Variants in TTBK1 observed in about 807,000 individuals in gnomAD.
TTBK1 encodes tau tubulin kinase 1, also known as tau-tubulin kinase 1.
TTBK1 carries 34 observed loss-of-function variants against 108.5 expected under a neutral mutation model. The observed-to-expected ratio is 0.31, with a 90% confidence interval of 0.24 to 0.42. TTBK1 has a LOEUF of 0.42. TTBK1 is among the 10% of genes least tolerant of loss of function. The probability of loss-of-function intolerance (pLI) is 1.00; values close to 1 mark genes in which losing one functional copy is unlikely to be tolerated. For synonymous variants in TTBK1, 809 were observed against 795.1 expected, an observed-to-expected ratio of 1.02 and a Z score of -0.29; for missense variants, 1,539 against 1,826.0, an observed-to-expected ratio of 0.84 and a Z score of 2.86.
Position 43,284,125 on chromosome 6 carries a change from T to G in TTBK1, c.3385T>G (p.Ser1129Ala), listed in dbSNP as rs1778283715. The G allele has an allele frequency of 6.5e-7, 1 of 1,540,410 alleles. No homozygotes were observed. The highest frequency in any genetic ancestry group is 1.4e-5 in the African/African-American group (1 of 73,136). The change falls in exon 14 of 15, where the codon TCT (serine) becomes GCT (alanine). Residue 1129 changes from serine to alanine, a missense_variant. Ser to Ala is a moderately conservative substitution (Grantham distance 99, BLOSUM62 1). Coordinates refer to ENST00000259750, the MANE Select transcript of TTBK1 (RefSeq NM_032538.3). ...CTCTGAGACCCTCTCAGGCACGGGC[T>G]CTGAGGAGGACACGCCCGCCTCTGA... is the stretch of plus-strand genomic sequence containing the variant. ...RASETLSGTG[S>A]EEDTPASEPA...
intron 13 of TTBK1, among the ~76,000 whole-genome samples, chr6:43,264,996 G>A (rs1777638579): frequency 6.6e-6 from 1 of 152,228 alleles, no homozygotes; most frequent in African/African-American, 2.4e-5. Flanking sequence ...TTCTGACAAG[G>A]ACAGGGTGTC....
rs56299659 is a variant in TTBK1 at position 43,263,251 on chromosome 6, G to A, written c.1887G>A (p.Thr629=). The change falls in exon 13 of 15, where the codon ACG becomes ACA. Residue 629 remains threonine (T), a synonymous_variant. Transcript: ENST00000259750. The surrounding 1 kb of genome is among the most constrained non-coding windows in gnomAD (Gnocchi z 4.7). ...GCCAGGGCGATGGCCGTTCCGAGAC[G>A]TCACAGCCCCCCACGCCTGGCAGCC... is the stretch of plus-strand genomic sequence containing the variant. ...QLSQGDGRSE[T]SQPPTPGSPS... 4.3e-4 allele frequency: 662 copies of A among 1,555,050 alleles called. 5 individuals are homozygous for A. The East Asian group carries it at 0.013, about 31-fold the overall frequency.
chr6:43,272,279 A>G (rs1299989242), intron 13 of TTBK1: 13 of 985,366 alleles, frequency 1.3e-5, no homozygotes, highest in Non-Finnish European at 1.2e-6. Flanking sequence ...TCCACTACTC[A>G]ACCCTGAGCA....
In TTBK1 at chr6:43,263,157, G is replaced by A. The variant is rs953189053; in HGVS notation, c.1793G>A (p.Arg598His). The A allele has an allele frequency of 2.0e-5, 32 of 1,570,176 alleles. No homozygotes were observed. The highest frequency in any genetic ancestry group is 2.5e-5 in the Non-Finnish European group (29 of 1,156,590). Residue 598 changes from arginine to histidine, a missense_variant, in exon 13 of 15, where the codon CGC (arginine) becomes CAC (histidine). Transcript: ENST00000259750. This position sits in a 1 kb window ranked among gnomAD's most constrained non-coding sequence, Gnocchi z 4.7. ...GAGCCCACCGTCCGGCCCCGGGGAC[G>A]CAGCATGCAGGCGCTGGCGGAGGAG... ...GAEPTVRPRG[R>H]SMQALAEEDL... is the part of the protein sequence containing the mutation.
chr6:43,257,776 A>T lies in TTBK1; in HGVS notation c.862-36A>T. 2 of 1,585,498 alleles carry T rather than the reference A, an allele frequency of 1.3e-6. No individual in the cohort carries two copies. The highest frequency in any genetic ancestry group is 1.7e-6 in the Non-Finnish European group (2 of 1,161,752). The stretch of plus-strand genomic sequence containing the variant: ...CTTCCTCCTGGCTAGCCCCCGGATC[A>T]CCTCTCTGTCCTCCCATCACCCTCA... On this transcript the variant is annotated intron_variant, in intron 9 of 14. Transcript: ENST00000259750. This position sits in a 1 kb window ranked among gnomAD's most constrained non-coding sequence, Gnocchi z 4.5.
At chr6:43,262,535 C>T (rs1446868660) in intron 12 of TTBK1, among the ~76,000 whole-genome samples, 2 of 152,064 alleles carry the variant, frequency 1.3e-5, no homozygotes, top group Non-Finnish European at 2.9e-5. Context: ...TCCTGGAGCA[C>T]GGTAAGCATT....
rs1293798901 is a variant in TTBK1 at position 43,263,486 on chromosome 6, G to A, written c.1986+136G>A. ...ACAGGGCTGTGATGGAGGTAGACAG[G>A]CTTAAGGGTCTGAAACCATGTTTGA... On this transcript the variant is annotated intron_variant, in intron 13 of 14. Transcript: ENST00000259750. The surrounding 1 kb of genome is among the most constrained non-coding windows in gnomAD (Gnocchi z 4.7). The A allele has an allele frequency of 3.4e-6, 3 of 882,106 alleles. No homozygotes were observed. In the African/African-American group the frequency reaches 5.2e-5, roughly 15 times the overall value. The allele number at this position is 882,106 out of a possible 1,614,324, so 54.6% of individuals were successfully genotyped here.
In TTBK1 at chr6:43,283,219, C is replaced by T. The variant is rs1185444504; in HGVS notation, c.2479C>T (p.Leu827=). 3 of 1,551,872 alleles carry T rather than the reference C, an allele frequency of 1.9e-6. No individual in the cohort carries two copies. Among genetic ancestry groups the T allele is most frequent in the Non-Finnish European group, 2.6e-6 (3 of 1,148,062 alleles). Residue 827 remains leucine (L), a synonymous_variant, in exon 14 of 15, where the codon CTG becomes TTG. Transcript: ENST00000259750. This position sits in a 1 kb window ranked among gnomAD's most constrained non-coding sequence, Gnocchi z 8.1. ...CCGGGCCTCCATGGCCGATGGGGAC[C>T]TGGAGCCTGAGGAGGGCTCCAAAAC... ...RGRASMADGD[L]EPEEGSKTLV...
At position 43,282,827 on chromosome 6, in the gene TTBK1, G is replaced by C. The variant is rs578249848; in HGVS notation, c.2087G>C (p.Arg696Pro). Residue 696 changes from arginine to proline, a missense_variant, in exon 14 of 15, where the codon CGA (arginine) becomes CCA (proline). Arg to Pro is a moderately radical substitution (Grantham distance 103). Coordinates refer to ENST00000259750, the MANE Select transcript of TTBK1 (RefSeq NM_032538.3). The surrounding 1 kb of genome is among the most constrained non-coding windows in gnomAD (Gnocchi z 5.4). ...QDFKRDLSDY[R>P]ERARLLNRVR... Reference sequence around the variant, plus strand: ...TTCAAAAGAGACCTCTCCGATTACCGAGAACGGGCGCGGTTGCTCAACAGG... The same window carrying C: ...TTCAAAAGAGACCTCTCCGATTACCCAGAACGGGCGCGGTTGCTCAACAGG... 8.4e-5 allele frequency: 136 copies of C among 1,613,948 alleles called. No homozygotes were observed. Among genetic ancestry groups the C allele is most frequent in the Non-Finnish European group, 1.1e-4 (131 of 1,180,020 alleles).
At position 43,257,479 on chromosome 6, in the gene TTBK1, T is replaced by C. The variant is rs1777412151; in HGVS notation, c.862-333T>C. ...CAGTCTGTGCAGAGGCAGCACCCCA[T>C]GCATGGGTTTGGAAACTCCCAGTGG... On this transcript the variant is annotated intron_variant, in intron 9 of 14. Coordinates refer to ENST00000259750, the MANE Select transcript of TTBK1 (RefSeq NM_032538.3). This position sits in a 1 kb window ranked among gnomAD's most constrained non-coding sequence, Gnocchi z 4.5. Among the ~76,000 whole-genome samples, 2 of 152,100 alleles carry C rather than the reference T, an allele frequency of 1.3e-5. No homozygotes were observed. Among genetic ancestry groups the C allele is most frequent in the African/African-American group, 4.8e-5 (2 of 41,406 alleles).
intron 2 of TTBK1, chr6:43,248,090 C>T (rs1223155823): frequency 6.6e-6 from 1 of 152,202 alleles, no homozygotes; most frequent in African/African-American, 2.4e-5. Flanking sequence ...GGCAGAATGA[C>T]ATTTGCACTG....
intron 13 of TTBK1, among the ~76,000 whole-genome samples, chr6:43,275,909 C>G (rs1266688384): frequency 6.6e-6 from 1 of 152,180 alleles, no homozygotes; most frequent in Non-Finnish European, 1.5e-5. Flanking sequence ...GGGCGGGGCT[C>G]CGGGCCCTCA....
Position 43,283,750 on chromosome 6 carries a change from G to A in TTBK1, c.3010G>A (p.Glu1004Lys), listed in dbSNP as rs2150716426. The A allele has an allele frequency of 1.2e-6, 2 of 1,611,104 alleles. No individual in the cohort carries two copies. The highest frequency in any genetic ancestry group is 1.7e-6 in the Non-Finnish European group (2 of 1,179,040). ...CTCTGCCCTGTCTGGGGCCCCCCGG[G>A]AAACCCCCTCAGAGATGGCCACAAA... Reference protein sequence around the residue: ...EGSALSGAPRETPSEMATNSL... With the variant: ...EGSALSGAPRKTPSEMATNSL... Residue 1004 changes from glutamate (E) to lysine (K), a missense_variant, in exon 14 of 15, where the codon GAA (glutamate) becomes AAA (lysine). Transcript: ENST00000259750. The surrounding 1 kb of genome is among the most constrained non-coding windows in gnomAD (Gnocchi z 8.1).
At position 43,286,967 on chromosome 6, in the gene TTBK1, G is replaced by A. The variant is rs977462146; in HGVS notation, c.*1591G>A. The A allele has an allele frequency of 3.9e-5, 6 of 152,606 alleles. No individual in the cohort carries two copies. The highest frequency in any genetic ancestry group is 9.7e-5 in the African/African-American group (4 of 41,446). 9.5% of individuals were successfully genotyped at this position (152,606 alleles called of 1,614,324 possible). ...TAGTGTGCCCCAGCAGTCTGGCTGC[G>A]TCCAGCCACCATCACCCGGAAGGAT... On this transcript the variant is annotated 3_prime_UTR_variant, in exon 15 of 15. Transcript: ENST00000259750. The surrounding 1 kb of genome is among the most constrained non-coding windows in gnomAD (Gnocchi z 4.6).
chr6:43,250,999 C>T (rs900608045), intron 2 of TTBK1, among the ~76,000 whole-genome samples: 1 of 152,236 alleles, frequency 6.6e-6, no homozygotes, highest in African/African-American at 2.4e-5. Context: ...TAAATTTCAT[C>T]TCTAAGAGAA....
intron 2 of TTBK1, among the ~76,000 whole-genome samples, chr6:43,249,217 GTT>G (rs1005096820): frequency 1.3e-5 from 2 of 152,170 alleles, no homozygotes; most frequent in African/African-American, 4.8e-5. Flanking sequence ...GGCTCAGAGA[GTT>G]TAAGAAACTC....
At chr6:43,248,659 G>T (rs191208006) in intron 2 of TTBK1, among the ~76,000 whole-genome samples, 1 of 152,268 alleles carries the variant, frequency 6.6e-6, no homozygotes, top group Non-Finnish European at 1.5e-5. Context: ...GAAGGCAGAG[G>T]TTGCAGTGAA....
At chr6:43,260,052 CA>C (rs1562087776) in intron 12 of TTBK1, among the ~76,000 whole-genome samples, 2 of 152,048 alleles carry the variant, frequency 1.3e-5, no homozygotes, top group African/African-American at 4.8e-5. Flanking sequence ...TAATTATAGA[CA>C]CTTCAAGTGC....
chr6:43,249,626 G>C (rs183077059), intron 2 of TTBK1, among the ~76,000 whole-genome samples: 2 of 151,174 alleles, frequency 1.3e-5, no homozygotes, highest in African/African-American at 2.4e-5. Context: ...GCCCAGGCTC[G>C]AGTGCAGTGA....
Sources: allele counts gnomAD v4.1 joint callset (sites outside exome capture counted in the v4.1 genomes callset), GRCh38; gene constraint gnomAD v4.1.1; non-coding constraint Gnocchi (gnomAD v3.1); transcripts MANE v1.5; gene names NCBI Gene and HGNC (gene_info 2026-07-23, HGNC 2026-07-21).